PCDHGB6: variants seen among roughly 807,000 people sequenced by gnomAD.
PCDHGB6 encodes the protein protocadherin gamma-B6.
In PCDHGB6, 51 loss-of-function variants were observed where a neutral mutation model predicts 59.1. That is an observed-to-expected ratio of 0.86 (90% CI 0.69 to 1.09). The LOEUF (loss-of-function observed/expected upper bound fraction) is 1.09, where lower values mean the gene tolerates loss of function less well. Ranked by LOEUF, PCDHGB6 falls within the 50% of genes least tolerant of loss-of-function variation. PCDHGB6 has a pLI of 0.00. For synonymous variants in PCDHGB6, 466 were observed against 495.1 expected, an observed-to-expected ratio of 0.94 and a Z score of 0.78; for missense variants, 1,148 against 1,205.1, an observed-to-expected ratio of 0.95 and a Z score of 0.70.
intron 1 of PCDHGB6, chr5:141,414,397 T>C: frequency 6.2e-7 from 1 of 1,613,920 alleles, no homozygotes; most frequent in Middle Eastern, 1.6e-4. Context: ...TTATTACAGA[T>C]TGGTGATACA....
chr5:141,451,523 A>G (rs1035983001), intron 1 of PCDHGB6, among the ~76,000 whole-genome samples: 1 of 152,200 alleles, frequency 6.6e-6, no homozygotes, highest in African/African-American at 2.4e-5. Flanking sequence ...AGAGCAAGTA[A>G]AGGAGAGTGC....
Position 141,485,200 on chromosome 5 carries a change from A to C in PCDHGB6, c.2419-9607A>C. 1 of 1,614,116 alleles carries C rather than the reference A, an allele frequency of 6.2e-7. No homozygotes were observed. The highest frequency in any genetic ancestry group is 2.2e-5 in the East Asian group (1 of 44,872). ...TGCTCCGCAAGGTGAGAAGCTGGAC[A>C]GAAATCTGGCGGTGGGCTACCCTTT... On this transcript the variant is annotated intron_variant, in intron 1 of 3. Coordinates refer to ENST00000520790, the MANE Select transcript of PCDHGB6 (RefSeq NM_018926.3). This position sits in a 1 kb window ranked among gnomAD's most constrained non-coding sequence, Gnocchi z 5.7.
Position 141,417,750 on chromosome 5 carries a change from G to A in PCDHGB6, c.2418+7130G>A, listed in dbSNP as rs1430413607. The A allele has an allele frequency of 1.5e-5, 22 of 1,426,796 alleles. 1 individual carries two copies. In the East Asian group the frequency reaches 5.5e-4, roughly 36 times the overall value. The allele number at this position is 1,426,796 out of a possible 1,614,324, so 88.4% of individuals were successfully genotyped here. On this transcript the variant is annotated intron_variant, in intron 1 of 3. Coordinates refer to ENST00000520790, the MANE Select transcript of PCDHGB6 (RefSeq NM_018926.3). ...CCTTGCCCAGCACACCAGATTGCCA[G>A]CTCCGAGACCCGGGACTCCTCCTGT...
chr5:141,476,714 C>A lies in PCDHGB6; in HGVS notation c.2419-18093C>A, dbSNP rs146188020. 1 of 1,614,154 alleles carries A rather than the reference C, an allele frequency of 6.2e-7. No homozygotes were observed. The highest frequency in any genetic ancestry group is 1.1e-5 in the South Asian group (1 of 91,078). ...CAAGTACGCGGAGCTGGTGTTGGAG[C>A]GCGCCCTGGACCGAGAACGGGAGCC... On this transcript the variant is annotated intron_variant, in intron 1 of 3. Transcript: ENST00000520790. This position sits in a 1 kb window ranked among gnomAD's most constrained non-coding sequence, Gnocchi z 7.6.
Position 141,491,029 on chromosome 5 carries a change from G to T in PCDHGB6, c.2419-3778G>T. 1 of 1,614,172 alleles carries T rather than the reference G, an allele frequency of 6.2e-7. No homozygotes were observed. The highest frequency in any genetic ancestry group is 1.1e-5 in the South Asian group (1 of 91,088). On this transcript the variant is annotated intron_variant, in intron 1 of 3. Coordinates refer to ENST00000520790, the MANE Select transcript of PCDHGB6 (RefSeq NM_018926.3). The surrounding 1 kb of genome is among the most constrained non-coding windows in gnomAD (Gnocchi z 6.9). ...GGTCACCAAGGTGACAGCCGTGGAT[G>T]CTGATGCAGGCCACAATGCGTGGCT...
rs775489120 is a variant in PCDHGB6 at position 141,418,594 on chromosome 5, C to T, written c.2418+7974C>T. ...ACAACCCCCCAGTGTTCAGCCAGGA[C>T]GTGTACAGGGTTAGCCTTCGGGAAG... On this transcript the variant is annotated intron_variant, in intron 1 of 3. Coordinates refer to ENST00000520790, the MANE Select transcript of PCDHGB6 (RefSeq NM_018926.3). The T allele has an allele frequency of 3.1e-6, 5 of 1,614,022 alleles. No individual in the cohort carries two copies. In the Admixed American group the frequency reaches 8.3e-5, roughly 27 times the overall value.
At chr5:141,415,611 A>G in intron 1 of PCDHGB6, 1 of 1,613,152 alleles carries the variant, frequency 6.2e-7, no homozygotes, top group Non-Finnish European at 8.5e-7. Context: ...CATTGGTTCC[A>G]GTGAGTTTTA....
rs994878374 is a variant in PCDHGB6, at chr5:141,491,785, C to T, written c.2419-3022C>T. ...TCCTCATAAGGGATTGAACTTGCAT[C>T]CACTCCTCTCCGGCCGGCTTGGTCG... is the stretch of plus-strand genomic sequence containing the variant. On this transcript the variant is annotated intron_variant, in intron 1 of 3. Transcript: ENST00000520790. The surrounding 1 kb of genome is among the most constrained non-coding windows in gnomAD (Gnocchi z 6.9). 20 of 1,529,458 alleles carry T rather than the reference C, an allele frequency of 1.3e-5. No individual in the cohort carries two copies. Among genetic ancestry groups the T allele is most frequent in the Non-Finnish European group, 1.8e-5 (20 of 1,139,198 alleles). The allele number at this position is 1,529,458 out of a possible 1,614,324, so 94.7% of individuals were successfully genotyped here. A position where few individuals can be genotyped will look rare whatever the true frequency, so the allele number is the denominator to read the frequency against.
chr5:141,431,416 C>G lies in PCDHGB6; in HGVS notation c.2418+20796C>G, dbSNP rs778722151. 3 of 1,613,596 alleles carry G rather than the reference C, an allele frequency of 1.9e-6. No homozygotes were observed. The highest frequency in any genetic ancestry group is 2.7e-5 in the African/African-American group (2 of 74,954). On this transcript the variant is annotated intron_variant, in intron 1 of 3. Coordinates refer to ENST00000520790, the MANE Select transcript of PCDHGB6 (RefSeq NM_018926.3). The surrounding 1 kb of genome is among the most constrained non-coding windows in gnomAD (Gnocchi z 4.8). ...TCCTTACGGCCTCCGACGGGGGCGA[C>G]CCGGTGCGCACAGGCACCGCGCGCA...
intron 1 of PCDHGB6, among the ~76,000 whole-genome samples, chr5:141,434,567 C>T (rs1220152239): frequency 6.6e-6 from 1 of 152,206 alleles, no homozygotes; most frequent in East Asian, 1.9e-4. Flanking sequence ...TAAGGACATG[C>T]CCCTGCTGCA....
At chr5:141,448,862 G>A (rs1406203589) in intron 1 of PCDHGB6, among the ~76,000 whole-genome samples, 2 of 151,996 alleles carry the variant, frequency 1.3e-5, no homozygotes, top group African/African-American at 2.4e-5. Context: ...GGAGAATGGC[G>A]TGAACCTGGG....
chr5:141,457,422 T>C (rs2098920028), intron 1 of PCDHGB6, among the ~76,000 whole-genome samples: 1 of 151,626 alleles, frequency 6.6e-6, no homozygotes. Flanking sequence ...CATCCCTTTT[T>C]CCCCCCCACC....
intron 1 of PCDHGB6, chr5:141,475,850 G>A (rs2099376325): frequency 1.9e-5 from 9 of 464,524 alleles, no homozygotes; most frequent in Middle Eastern, 5.9e-4. Context: ...AGAGAGCCCG[G>A]CGCTAGCTCA....
At chr5:141,453,932 C>T (rs57919166) in intron 1 of PCDHGB6, among the ~76,000 whole-genome samples, 2 of 152,296 alleles carry the variant, frequency 1.3e-5, no homozygotes, top group African/African-American at 4.8e-5. Context: ...TCACTGTGTG[C>T]CTATAATTTA....
At chr5:141,498,980 GGAAGGAA>G in intron 2 of PCDHGB6, among the ~76,000 whole-genome samples, 1 of 44,970 alleles carries the variant, frequency 2.2e-5, no homozygotes, top group South Asian at 1.0e-3. Context: ...AGGGAAGGAA[GGAAGGAA>G]GGAAGGAAGG....
rs775290219 is a variant in PCDHGB6 at position 141,423,576 on chromosome 5, G to A, written c.2418+12956G>A. On this transcript the variant is annotated intron_variant, in intron 1 of 3. Transcript: ENST00000520790. ...ACTATGGGGACACGCTCATCAGCCAGGAGAGCTGTGAGAAAAGCGAGCCAC... is the reference window on the plus strand; with the variant it reads ...ACTATGGGGACACGCTCATCAGCCAAGAGAGCTGTGAGAAAAGCGAGCCAC... The A allele has an allele frequency of 1.9e-6, 3 of 1,613,588 alleles. No homozygotes were observed. In the Admixed American group the frequency reaches 5.0e-5, roughly 27 times the overall value.
intron 3 of PCDHGB6, among the ~76,000 whole-genome samples, chr5:141,508,943 CAG>C (rs1562237475): frequency 1.3e-5 from 2 of 151,982 alleles, no homozygotes; most frequent in Admixed American, 6.6e-5. Context: ...TTAGGGAAAA[CAG>C]AGAAATGTCA....
chr5:141,472,980 C>CAAAAAAAAAAA (rs60579131), intron 1 of PCDHGB6, among the ~76,000 whole-genome samples: 11 of 86,030 alleles, frequency 1.3e-4, no homozygotes, highest in Non-Finnish European at 1.3e-4. Flanking sequence ...GAGTGAAACT[C>CAAAAAAAAAAA]AAAAAAAAAA....
At chr5:141,428,616 G>A (rs2097151212) in intron 1 of PCDHGB6, 1 of 207,844 alleles carries the variant, frequency 4.8e-6, no homozygotes, top group Admixed American at 5.3e-5. Flanking sequence ...AGAATAACAA[G>A]ATAAGCTCTA....
Sources: gnomAD v4.1 joint callset for allele counts (sites outside exome capture counted in the v4.1 genomes callset) on GRCh38, gnomAD v4.1.1 for gene constraint, Gnocchi (gnomAD v3.1) non-coding constraint, MANE v1.5 for transcripts, NCBI Gene and HGNC (gene_info 2026-07-23, HGNC 2026-07-21) for gene names.